The following CNTN4 variants were observed in gnomAD, a reference collection of about 807,000 sequenced individuals.
CNTN4 encodes contactin 4.
A neutral mutation model predicts 122.5 loss-of-function variants in CNTN4; 77 were observed. The ratio of observed to expected loss-of-function variants is 0.63; its 90% CI spans 0.52 to 0.76. The LOEUF (loss-of-function observed/expected upper bound fraction) is 0.76, where lower values mean the gene tolerates loss of function less well. CNTN4 is among the 30% of genes least tolerant of loss of function. The probability of loss-of-function intolerance (pLI) is 0.00; values close to 1 mark genes in which losing one functional copy is unlikely to be tolerated. For synonymous variants in CNTN4, 512 were observed against 447.0 expected, an observed-to-expected ratio of 1.15 and a Z score of -1.83; for missense variants, 1,256 against 1,259.1, an observed-to-expected ratio of 1.00 and a Z score of 0.04.
chr3:2,497,700 G>A (rs142791451), intron 3 of CNTN4, among the ~76,000 whole-genome samples: 59 of 152,192 alleles, frequency 3.9e-4, no homozygotes, highest in Admixed American at 6.5e-4. Context: ...TTGCCTACCC[G>A]ATTGAATACT....
At chr3:2,235,110 C>T (rs1018984984) in intron 2 of CNTN4, among the ~76,000 whole-genome samples, 9 of 152,078 alleles carry the variant, frequency 5.9e-5, no homozygotes, top group Non-Finnish European at 1.3e-4. Flanking sequence ...AGAGAACACC[C>T]GTAAGTTTAT....
At chr3:2,974,864 A>G (rs759327745) in intron 13 of CNTN4, among the ~76,000 whole-genome samples, 1 of 152,216 alleles carries the variant, frequency 6.6e-6, no homozygotes, top group Non-Finnish European at 1.5e-5. Flanking sequence ...TGATCCTGCC[A>G]TCACCAAAGA....
chr3:3,003,156 A>G (rs1378515549), intron 14 of CNTN4, among the ~76,000 whole-genome samples: 2 of 152,218 alleles, frequency 1.3e-5, no homozygotes, highest in African/African-American at 4.8e-5. Context: ...TGAACAGCAT[A>G]TTGATTCCAA....
intron 2 of CNTN4, chr3:2,110,290 G>C (rs1465197345): frequency 6.6e-6 from 1 of 152,342 alleles, no homozygotes; most frequent in Non-Finnish European, 1.5e-5. Context: ...CTGTCTTACA[G>C]ATAGGCTGTG....
chr3:2,905,351 G>C (rs2094217803), intron 12 of CNTN4, among the ~76,000 whole-genome samples: 1 of 152,228 alleles, frequency 6.6e-6, no homozygotes, highest in African/African-American at 2.4e-5. Flanking sequence ...TTTGAGACCA[G>C]GGTGCCAGCA....
intron 2 of CNTN4, among the ~76,000 whole-genome samples, chr3:2,149,188 G>A (rs1296931082): frequency 2.0e-5 from 3 of 152,126 alleles, no homozygotes; most frequent in Admixed American, 6.5e-5. Context: ...GAAATGCTCC[G>A]TCTGCCTTCT....
chr3:2,646,246 A>G (rs1402923571), intron 4 of CNTN4, among the ~76,000 whole-genome samples: 1 of 152,238 alleles, frequency 6.6e-6, no homozygotes, highest in East Asian at 1.9e-4. Flanking sequence ...TAATAAACAT[A>G]TATAAACACT....
chr3:2,259,956 T>A (rs575462246), intron 2 of CNTN4, among the ~76,000 whole-genome samples: 1 of 152,298 alleles, frequency 6.6e-6, no homozygotes, highest in African/African-American at 2.4e-5. Context: ...AGAATGTCAC[T>A]CTTTGTTATT....
At chr3:2,536,718 A>G (rs724707) in intron 3 of CNTN4, among the ~76,000 whole-genome samples, 74,566 of 151,538 alleles carry the variant, frequency 0.49, 19,628 homozygotes, top group Non-Finnish European at 0.58. Context: ...GCCACAAGCC[A>G]CCCCTAAAAA....
chr3:2,657,914 C>A (rs527558375), intron 4 of CNTN4, among the ~76,000 whole-genome samples: 1 of 151,318 alleles, frequency 6.6e-6, no homozygotes, highest in Admixed American at 6.6e-5. Flanking sequence ...ATAACACTGA[C>A]AAATTATTCC....
At chr3:2,426,082 T>C (rs2047819769) in intron 3 of CNTN4, among the ~76,000 whole-genome samples, 2 of 152,212 alleles carry the variant, frequency 1.3e-5, no homozygotes, top group African/African-American at 2.4e-5. Flanking sequence ...CTGATTGCCC[T>C]GGCCAGAACT....
intron 12 of CNTN4, among the ~76,000 whole-genome samples, chr3:2,910,073 C>G (rs906712374): frequency 1.2e-4 from 19 of 152,286 alleles, no homozygotes; most frequent in African/African-American, 4.6e-4. Context: ...GCTGAAGGCC[C>G]CATTTCAACA....
At chr3:2,883,091 A>C in intron 8 of CNTN4, 54 bp from the exon 9 acceptor site, 1 of 1,293,952 alleles carries the variant, frequency 7.7e-7, no homozygotes, top group African/African-American at 1.5e-5. Context: ...TGAGTTTTAC[A>C]TTTTATACAT....
intron 13 of CNTN4, among the ~76,000 whole-genome samples, chr3:2,932,838 T>G (rs1468166804): frequency 4.7e-5 from 7 of 148,538 alleles, no homozygotes; most frequent in Admixed American, 4.7e-4. Context: ...ATTTATTTAT[T>G]TAGAGACGGA....
chr3:2,936,766 T>A (rs988048811), intron 13 of CNTN4, among the ~76,000 whole-genome samples: 9 of 152,184 alleles, frequency 5.9e-5, no homozygotes, highest in African/African-American at 2.2e-4. Flanking sequence ...GTTGGCAAGC[T>A]GAGAATGGTT....
In CNTN4 at chr3:2,575,803, CTTCTTCTTT is replaced by C. The variant is rs1280331278; in HGVS notation, c.55+4248_55+4256del. On this transcript the variant is annotated intron_variant, in intron 4 of 24. Transcript: ENST00000418658. ...GAATAATGATATATTTTGCTTTCTT[CTTCTTCTTT>C]TTTTTTTTTTTTTTTTTTTTTTTTT... Among the ~76,000 whole-genome samples the C allele has an allele frequency of 2.4e-3, 245 of 103,316 alleles. 1 individual carries two copies. Among genetic ancestry groups the C allele is most frequent in the Non-Finnish European group, 3.0e-3 (176 of 57,958 alleles). The allele number at this position is 103,316 out of a possible 152,430, so 67.8% of individuals were successfully genotyped here. A position where few individuals can be genotyped will look rare whatever the true frequency, so the allele number is the denominator to read the frequency against.
At chr3:2,432,473 A>G (rs1221739661) in intron 3 of CNTN4, among the ~76,000 whole-genome samples, 2 of 152,178 alleles carry the variant, frequency 1.3e-5, no homozygotes, top group South Asian at 2.1e-4. Flanking sequence ...TGTTTTTTTC[A>G]GTGAAGGTCT....
chr3:2,661,301 T>C (rs1307535703), intron 4 of CNTN4, among the ~76,000 whole-genome samples: 1 of 152,144 alleles, frequency 6.6e-6, no homozygotes, highest in Admixed American at 6.5e-5. Context: ...GCATGAGTAT[T>C]CCAGAAAGTC....
intron 2 of CNTN4, among the ~76,000 whole-genome samples, chr3:2,301,354 A>G (rs1393128419): frequency 6.6e-6 from 1 of 152,214 alleles, no homozygotes; most frequent in Non-Finnish European, 1.5e-5. Flanking sequence ...ATTTTTATAA[A>G]TCTGGTTGAC....
Sources: gnomAD v4.1 joint callset for allele counts (sites outside exome capture counted in the v4.1 genomes callset) on GRCh38, gnomAD v4.1.1 for gene constraint, MANE v1.5 for transcripts, NCBI Gene and HGNC (gene_info 2026-07-23, HGNC 2026-07-21) for gene names.